The following PDE10A variants were observed in gnomAD, a reference collection of about 807,000 sequenced individuals.
The protein encoded by PDE10A is phosphodiesterase 10A, also known as cAMP and cAMP-inhibited cGMP 3',5'-cyclic phosphodiesterase 10A.
PDE10A carries 39 observed loss-of-function variants against 97.7 expected under a neutral mutation model. The observed-to-expected ratio is 0.40, with a 90% CI of 0.31 to 0.52. PDE10A has a LOEUF of 0.52. PDE10A is among the 20% of genes least tolerant of loss of function. PDE10A has a pLI of 0.56. For missense variants in PDE10A, 731 were observed against 1,047.8 expected, an observed-to-expected ratio of 0.70 and a Z score of 4.17; for synonymous variants, 371 against 376.8, an observed-to-expected ratio of 0.98 and a Z score of 0.18.
intron 5 of PDE10A, among the ~76,000 whole-genome samples, chr6:165,438,435 G>A (rs112153321): frequency 0.017 from 2,529 of 152,248 alleles, 69 homozygotes; most frequent in African/African-American, 0.059. Flanking sequence ...TGATCCACCC[G>A]CCTCAGCCTC....
In PDE10A at chr6:165,695,930, C is replaced by T. The variant is rs187423264; in HGVS notation, c.-614-152362G>A. 3.9e-4 allele frequency among the ~76,000 whole-genome samples: 59 copies of T among 152,272 alleles called. No homozygotes were observed. The East Asian group carries it at 9.8e-3, about 25-fold the overall frequency. On this transcript the variant is annotated intron_variant, in intron 1 of 19. Coordinates refer to the PDE10A transcript ENST00000366882. ...TTATGCTCCAGGGCACTGTTGAAAA[C>T]ACCCAGGGCAATCAGCCAGCAAGGC...
chr6:165,894,519 G>A, intron 1 of PDE10A: 1 of 456,054 alleles, frequency 2.2e-6, no homozygotes, highest in Non-Finnish European at 4.4e-6. Context: ...AGATGTGGGA[G>A]GGAGTTTTAA....
At chr6:165,351,954 A>G (rs1200153311) in intron 18 of PDE10A, among the ~76,000 whole-genome samples, 1 of 152,172 alleles carries the variant, frequency 6.6e-6, no homozygotes, top group Non-Finnish European at 1.5e-5. Flanking sequence ...CCCAGGTTCA[A>G]GCAATTCTCC....
In PDE10A at chr6:165,449,617, C is replaced by T. The variant is rs57924473; in HGVS notation, c.1144+625G>A. Among the ~76,000 whole-genome samples the T allele has an allele frequency of 2.8e-3, 433 of 151,972 alleles. 8 individuals are homozygous for T. Among genetic ancestry groups the T allele is most frequent in the East Asian group, 0.012 (60 of 5,182 alleles). On this transcript the variant is annotated intron_variant, in intron 4 of 21. Transcript: ENST00000539869. ...AATAATAAAAACAACCTCCTGAGAC[C>T]GTAATAAAAATAAGTCAGTTAATGC...
chr6:165,721,738 A>T (rs1792172210), intron 1 of PDE10A, among the ~76,000 whole-genome samples: 1 of 152,228 alleles, frequency 6.6e-6, no homozygotes, highest in South Asian at 2.1e-4. Context: ...TTGTAGATTC[A>T]CTATCTGTGC....
At chr6:165,566,453 C>T (rs1190183447) in intron 1 of PDE10A, among the ~76,000 whole-genome samples, 2 of 152,202 alleles carry the variant, frequency 1.3e-5, no homozygotes, top group African/African-American at 4.8e-5. Flanking sequence ...ACAACAGGAT[C>T]TCATTCACTG....
At chr6:165,338,069 C>G (rs571521257) in intron 20 of PDE10A, among the ~76,000 whole-genome samples, 2 of 152,154 alleles carry the variant, frequency 1.3e-5, no homozygotes, top group African/African-American at 4.8e-5. Context: ...TGGTAAAATG[C>G]GACAAAAACT....
chr6:165,459,514 TAGATAGATAGACAGACAGACAGAC>T (rs1338293011), intron 3 of PDE10A, among the ~76,000 whole-genome samples: 3 of 64,192 alleles, frequency 4.7e-5, no homozygotes, highest in Admixed American at 3.2e-4. Context: ...GATAGATAGA[TAGATAGATAGACAGACAGACAGAC>T]AGACAGACAG....
chr6:165,496,397 T>C (rs929657017), intron 2 of PDE10A, among the ~76,000 whole-genome samples: 1 of 152,206 alleles, frequency 6.6e-6, no homozygotes, highest in Admixed American at 6.5e-5. Flanking sequence ...TTTCTTCAAA[T>C]CTCAGCTTCA....
chr6:165,917,822 A>C (rs986223166), intron 1 of PDE10A, among the ~76,000 whole-genome samples: 1 of 152,016 alleles, frequency 6.6e-6, no homozygotes, highest in Non-Finnish European at 1.5e-5. Flanking sequence ...TGCATCCCAG[A>C]GCCCCTCACG....
chr6:165,513,129 C>G (rs894337999), intron 2 of PDE10A, among the ~76,000 whole-genome samples: 2 of 151,802 alleles, frequency 1.3e-5, no homozygotes, highest in Admixed American at 6.6e-5. Flanking sequence ...GAACTTTACC[C>G]CACCAAAGAC....
intron 18 of PDE10A, among the ~76,000 whole-genome samples, chr6:165,357,528 T>C (rs1783101505): frequency 6.6e-6 from 1 of 152,070 alleles, no homozygotes. Context: ...GGTGGTTTGT[T>C]TGTTTGTTTG....
intron 2 of PDE10A, among the ~76,000 whole-genome samples, chr6:165,495,105 A>G (rs913343651): frequency 1.3e-5 from 2 of 152,212 alleles, no homozygotes; most frequent in African/African-American, 4.8e-5. Flanking sequence ...CAATTCATCC[A>G]CAAGTATTTA....
intron 1 of PDE10A, among the ~76,000 whole-genome samples, chr6:165,703,217 A>C (rs906761774): frequency 6.6e-6 from 1 of 152,198 alleles, no homozygotes; most frequent in Non-Finnish European, 1.5e-5. Flanking sequence ...CAGACTTTGC[A>C]GTCACCTGTG....
At chr6:165,619,610 T>C (rs1221016020) in intron 1 of PDE10A, among the ~76,000 whole-genome samples, 1 of 152,154 alleles carries the variant, frequency 6.6e-6, no homozygotes, top group East Asian at 1.9e-4. Flanking sequence ...TAGTGCACTG[T>C]AGTCTAGTGT....
intron 1 of PDE10A, among the ~76,000 whole-genome samples, chr6:165,929,899 G>A (rs923209785): frequency 2.3e-4 from 32 of 140,662 alleles, no homozygotes; most frequent in East Asian, 6.4e-4. Flanking sequence ...CCTAATGACC[G>A]GGCACATATC....
At chr6:165,983,418 AGGG>A (rs1246531656) in intron 1 of PDE10A, among the ~76,000 whole-genome samples, 9 of 152,188 alleles carry the variant, frequency 5.9e-5, no homozygotes, top group African/African-American at 1.9e-4. Flanking sequence ...GATTGGTGGT[AGGG>A]AAGGAGGTGA....
chr6:165,864,347 A>G (rs1780983764), intron 1 of PDE10A, among the ~76,000 whole-genome samples: 1 of 152,236 alleles, frequency 6.6e-6, no homozygotes, highest in Non-Finnish European at 1.5e-5. Context: ...AAGGTTCTAA[A>G]GGAACCCTGA....
intron 1 of PDE10A, among the ~76,000 whole-genome samples, chr6:165,792,600 C>T (rs1292880821): frequency 2.0e-5 from 3 of 152,090 alleles, no homozygotes; most frequent in African/African-American, 7.2e-5. Flanking sequence ...CCTCTCCTTG[C>T]CCCAGATTCC....
Sources: gnomAD v4.1 joint callset for allele counts (sites outside exome capture counted in the v4.1 genomes callset) on GRCh38, gnomAD v4.1.1 for gene constraint, MANE v1.5 for transcripts, NCBI Gene and HGNC (gene_info 2026-07-23, HGNC 2026-07-21) for gene names.